The following AKAP6 variants were observed in gnomAD, a reference collection of about 807,000 sequenced individuals.
AKAP6 encodes the protein A-kinase anchoring protein 6.
AKAP6 carries 58 observed loss-of-function variants against 188.5 expected under a neutral mutation model. That is an observed-to-expected ratio of 0.31 (90% confidence interval 0.25 to 0.38). AKAP6 has a LOEUF of 0.38. AKAP6 is among the 10% of genes least tolerant of loss of function. The pLI is 1.00. For missense variants in AKAP6, 2,710 were observed against 2,740.0 expected (o/e 0.99, Z 0.24); for synonymous variants, 989 against 998.6 (o/e 0.99, Z 0.18).
chr14:32,446,267 A>G (rs964027594), intron 2 of AKAP6, among the ~76,000 whole-genome samples: 4 of 152,204 alleles, frequency 2.6e-5, no homozygotes, highest in African/African-American at 9.6e-5. Flanking sequence ...TGATGTGCTC[A>G]ATTCTATATA....
intron 7 of AKAP6, among the ~76,000 whole-genome samples, chr14:32,610,354 TTTTCC>T (rs1311739657): frequency 5.9e-5 from 9 of 152,224 alleles, no homozygotes; most frequent in African/African-American, 2.2e-4. Flanking sequence ...CCAAATGTAT[TTTTCC>T]TTTTCTTTGT....
chr14:32,532,417 C>A (rs747185982), intron 2 of AKAP6, among the ~76,000 whole-genome samples: 25 of 152,138 alleles, frequency 1.6e-4, no homozygotes, highest in Non-Finnish European at 2.4e-4. Context: ...AGTTAACTGG[C>A]ACCAATGATA....
intron 2 of AKAP6, among the ~76,000 whole-genome samples, chr14:32,482,273 C>T (rs1879391371): frequency 6.6e-6 from 1 of 152,190 alleles, no homozygotes; most frequent in African/African-American, 2.4e-5. Flanking sequence ...CCCCTCTCTT[C>T]CCACTGCCAA....
At chr14:32,377,510 TGA>T (rs145177834) in intron 1 of AKAP6, among the ~76,000 whole-genome samples, 35 of 148,488 alleles carry the variant, frequency 2.4e-4, no homozygotes, top group Non-Finnish European at 2.4e-4. Flanking sequence ...TGTACGTGCA[TGA>T]GAGAGAGAGA....
At chr14:32,523,251 A>T (rs1387081543) in intron 2 of AKAP6, among the ~76,000 whole-genome samples, 3 of 152,182 alleles carry the variant, frequency 2.0e-5, no homozygotes, top group Non-Finnish European at 2.9e-5. Flanking sequence ...TGGGTGCAGC[A>T]CACCAACATG....
intron 9 of AKAP6, among the ~76,000 whole-genome samples, chr14:32,722,700 GA>G (rs1385163947): frequency 6.6e-6 from 1 of 152,112 alleles, no homozygotes; most frequent in Non-Finnish European, 1.5e-5. Flanking sequence ...AAACTCTAGG[GA>G]AAGATTATCT....
intron 2 of AKAP6, among the ~76,000 whole-genome samples, chr14:32,472,330 A>G (rs1255798726): frequency 1.3e-5 from 2 of 152,140 alleles, no homozygotes; most frequent in South Asian, 2.1e-4. Context: ...CTCAGCTGAG[A>G]GCAATAAGCA....
intron 2 of AKAP6, among the ~76,000 whole-genome samples, chr14:32,499,339 A>AG (rs1483604336): frequency 6.6e-6 from 1 of 151,348 alleles, no homozygotes; most frequent in Non-Finnish European, 1.5e-5. Context: ...AAAAAAAAAA[A>AG]AAAAAAAAGA....
intron 1 of AKAP6, chr14:32,373,334 T>C (rs1363355716): frequency 3.3e-5 from 5 of 152,060 alleles, no homozygotes; most frequent in Admixed American, 1.3e-4. Context: ...GGAGAGCCGA[T>C]TGGTCAGAGA....
rs529556077 is a variant in AKAP6, at chr14:32,553,598, C to T, written c.2346+6599C>T. ...CTTATCACTCCATCTTGAATTCTCA[C>T]TTCACCATATGTGATCACTATTGTT... is the stretch of plus-strand genomic sequence containing the variant. On this transcript the variant is annotated intron_variant, in intron 4 of 13. Transcript: ENST00000280979. 2.0e-4 allele frequency among the ~76,000 whole-genome samples: 30 copies of T among 152,314 alleles called. 1 individual carries two copies. Among genetic ancestry groups the T allele is most frequent in the Non-Finnish European group, 3.8e-4 (26 of 68,022 alleles).
intron 1 of AKAP6, among the ~76,000 whole-genome samples, chr14:32,421,425 T>G (rs1889847905): frequency 6.6e-6 from 1 of 152,174 alleles, no homozygotes; most frequent in Admixed American, 6.6e-5. Context: ...TATTATATTG[T>G]GATTTTCATT....
At chr14:32,713,957 T>C (rs1236683820) in intron 9 of AKAP6, among the ~76,000 whole-genome samples, 1 of 152,078 alleles carries the variant, frequency 6.6e-6, no homozygotes, top group Admixed American at 6.6e-5. Flanking sequence ...GCTTTTTACC[T>C]GAATTGCTCA....
chr14:32,413,509 T>A (rs544313869), intron 1 of AKAP6, among the ~76,000 whole-genome samples: 2 of 152,284 alleles, frequency 1.3e-5, no homozygotes, highest in South Asian at 2.1e-4. Flanking sequence ...CCTTGTGATA[T>A]ACAGCCATAG....
Position 32,558,848 on chromosome 14 carries a change from G to A in AKAP6, c.2346+11849G>A, listed in dbSNP as rs536814295. ...CAGCCACCTTTCTTCTTATGGATAC[G>A]ACTTAGAAGTTACACATGCCACTTT... On this transcript the variant is annotated intron_variant, in intron 4 of 13. Transcript: ENST00000280979. Among the ~76,000 whole-genome samples, 5 of 152,132 alleles carry A rather than the reference G, an allele frequency of 3.3e-5. No individual in the cohort carries two copies. In the South Asian group the frequency reaches 6.2e-4, roughly 19 times the overall value.
At chr14:32,733,716 G>C (rs1256063331) in intron 10 of AKAP6, 2 of 152,078 alleles carry the variant, frequency 1.3e-5, no homozygotes, top group East Asian at 3.9e-4. Context: ...ACATATTGTT[G>C]CCTTTTAATA....
At chr14:32,614,530 A>C (rs73259196) in intron 7 of AKAP6, among the ~76,000 whole-genome samples, 4,339 of 152,294 alleles carry the variant, frequency 0.028, 178 homozygotes, top group African/African-American at 0.096. Context: ...TATACTTCTC[A>C]TCATAAAAGG....
chr14:32,818,853 G>A (rs1175251972), intron 12 of AKAP6, among the ~76,000 whole-genome samples: 1 of 152,102 alleles, frequency 6.6e-6, no homozygotes, highest in African/African-American at 2.4e-5. Flanking sequence ...GCTGCTAAAT[G>A]TTAAAGTCAA....
chr14:32,378,525 G>A lies in AKAP6; in HGVS notation c.-35+49117G>A, dbSNP rs1295070894. On this transcript the variant is annotated intron_variant, in intron 1 of 13. Transcript: ENST00000280979. ...AGTCAGTGGGAGCTCATTTCTGGAA[G>A]AGAGGAAAGTGGCTGAGGACTGGGT... is the stretch of plus-strand genomic sequence containing the variant. Among the ~76,000 whole-genome samples the A allele has an allele frequency of 1.3e-5, 2 of 152,214 alleles. 1 individual carries two copies. Among genetic ancestry groups the A allele is most frequent in the Admixed American group, 1.3e-4 (2 of 15,278 alleles).
chr14:32,532,485 T>C (rs1228841248), intron 2 of AKAP6, among the ~76,000 whole-genome samples: 4 of 152,188 alleles, frequency 2.6e-5, no homozygotes, highest in African/African-American at 9.6e-5. Flanking sequence ...TCTTGACCCA[T>C]GACCTTGTTC....
Sources: allele counts gnomAD v4.1 joint callset (sites outside exome capture counted in the v4.1 genomes callset), GRCh38; gene constraint gnomAD v4.1.1; transcripts MANE v1.5; gene names NCBI Gene and HGNC (gene_info 2026-07-23, HGNC 2026-07-21).